The following ARVCF variants were observed in gnomAD, a reference collection of about 807,000 sequenced individuals.
ARVCF encodes splicing regulator ARVCF.
A neutral mutation model predicts 90.9 loss-of-function variants in ARVCF; 66 were observed. That is an observed-to-expected ratio of 0.73 (90% CI 0.60 to 0.89). ARVCF has a LOEUF of 0.89. Ranked by LOEUF, ARVCF falls within the 40% of genes least tolerant of loss-of-function variation. The probability of loss-of-function intolerance (pLI) is 0.00; values close to 1 mark genes in which losing one functional copy is unlikely to be tolerated. For missense variants in ARVCF, 1,469 were observed against 1,382.3 expected, an observed-to-expected ratio of 1.06 and a Z score of -1.00; for synonymous variants, 653 against 603.4, an observed-to-expected ratio of 1.08 and a Z score of -1.21.
Position 19,978,972 on chromosome 22 carries a change from C to A in ARVCF, c.1505G>T (p.Arg502Leu). Residue 502 changes from arginine to leucine, a missense_variant, in exon 7 of 20, where the codon CGT (arginine) becomes CTT (leucine). Transcript: ENST00000263207. ...EVIVPHSGWE[R>L]EPNEDSKPRD... Reference sequence around the variant, plus strand: ...TGGCTTGGAGTCCTCGTTGGGCTCACGCTCCCATCCTGAGTGGGGCACGAT... The same window carrying A: ...TGGCTTGGAGTCCTCGTTGGGCTCAAGCTCCCATCCTGAGTGGGGCACGAT... The A allele has an allele frequency of 1.2e-6, 2 of 1,613,338 alleles. No individual in the cohort carries two copies. The highest frequency in any genetic ancestry group is 1.7e-6 in the Non-Finnish European group (2 of 1,179,950).
rs113043239 is a variant in ARVCF, at chr22:19,972,673, A to G, written c.2641+64T>C. On this transcript the variant is annotated intron_variant, in intron 16 of 19. Coordinates refer to ENST00000263207, the MANE Select transcript of ARVCF (RefSeq NM_001670.3). ...CTGACTCCTCCTTCACCTTCACCCA[A>G]GGGTCAGGCAACTGGGGCAGCTGGG... is the stretch of plus-strand genomic sequence containing the variant. The G allele has an allele frequency of 2.5e-4, 367 of 1,497,842 alleles. 1 individual carries two copies. In the African/African-American group the frequency reaches 4.2e-3, roughly 17 times the overall value. 92.8% of individuals were successfully genotyped at this position (1,497,842 alleles called of 1,614,324 possible). A position where few individuals can be genotyped will look rare whatever the true frequency, so the allele number is the denominator to read the frequency against.
intron 12 of ARVCF, 117 bp from the exon 13 acceptor site, chr22:19,973,910 C>G: frequency 6.7e-7 from 1 of 1,494,484 alleles, no homozygotes; most frequent in Non-Finnish European, 8.9e-7. Context: ...AAAGCCCTAC[C>G]CCAAAAGCTC....
downstream of ARVCF, among the ~76,000 whole-genome samples, chr22:19,966,099 G>A (rs901947364): frequency 6.6e-6 from 1 of 152,234 alleles, no homozygotes; most frequent in South Asian, 2.1e-4. Flanking sequence ...AGTTTTCTCA[G>A]TGCTGCTTGC....
chr22:19,972,735 A>G lies in ARVCF; in HGVS notation c.2641+2T>C, dbSNP rs762210783. On this transcript the variant is annotated splice_donor_variant, in intron 16 of 19. Transcript: ENST00000263207. LOFTEE classifies it high-confidence loss of function. ...CTAGGCTCCCTAAGCTCCACCACTC[A>G]CCAAGGCTCTTGTCCACCAGTGGCA... The G allele has an allele frequency of 6.2e-7, 1 of 1,607,766 alleles. No homozygotes were observed. Among genetic ancestry groups the G allele is most frequent in the Non-Finnish European group, 8.5e-7 (1 of 1,176,892 alleles).
At chr22:19,969,827 C>T (rs987022208), downstream of ARVCF, 42 of 984,178 alleles carry the variant, frequency 4.3e-5, no homozygotes, top group South Asian at 9.4e-5. Flanking sequence ...CTGCCCCAGA[C>T]GCGCAGAGGC....
intron 3 of ARVCF, chr22:19,986,767 G>A (rs1310284068): frequency 8.7e-6 from 3 of 343,516 alleles, no homozygotes; most frequent in East Asian, 4.8e-5. Context: ...GCCAAGAAGC[G>A]TCCATCCGGT....
chr22:19,972,551 AC>A lies in ARVCF; in HGVS notation c.2642-141del. 13 of 1,233,640 alleles carry A rather than the reference AC, an allele frequency of 1.1e-5. No individual in the cohort carries two copies. In the South Asian group the frequency reaches 1.8e-4, roughly 17 times the overall value. 76.4% of individuals were successfully genotyped at this position (1,233,640 alleles called of 1,614,324 possible). A position where few individuals can be genotyped will look rare whatever the true frequency, so the allele number is the denominator to read the frequency against. On this transcript the variant is annotated intron_variant, in intron 16 of 19. Transcript: ENST00000263207. ...CCAACCTCTGCCAGCTGGCAGCCTC[AC>A]CCCAGCTTGACAACAGCGCGGATGC...
At chr22:20,003,337 G>A (rs1295622657) in intron 2 of ARVCF, among the ~76,000 whole-genome samples, 1 of 152,078 alleles carries the variant, frequency 6.6e-6, no homozygotes, top group African/African-American at 2.4e-5. Flanking sequence ...AAAGAGGAAG[G>A]AACACTTCCT....
At chr22:19,997,675 C>T (rs543886576) in intron 2 of ARVCF, among the ~76,000 whole-genome samples, 2 of 152,208 alleles carry the variant, frequency 1.3e-5, no homozygotes, top group African/African-American at 4.8e-5. Flanking sequence ...CCACCAAGGG[C>T]TCAAAGGCTG....
At chr22:20,012,095 A>G (rs1382470216) in intron 1 of ARVCF, among the ~76,000 whole-genome samples, 1 of 7,488 alleles carries the variant, frequency 1.3e-4, no homozygotes, top group African/African-American at 4.3e-4. Flanking sequence ...CCCCCCACCC[A>G]GTTGGGGAAG....
rs554056486 is a variant in ARVCF at position 19,970,009 on chromosome 22, G to A, written c.*747C>T. The A allele has an allele frequency of 3.0e-6, 3 of 985,606 alleles. No homozygotes were observed. The Admixed American group carries it at 1.8e-4, about 61-fold the overall frequency. The allele number at this position is 985,606 out of a possible 1,614,324, so 61.1% of individuals were successfully genotyped here. A position where few individuals can be genotyped will look rare whatever the true frequency, so the allele number is the denominator to read the frequency against. On this transcript the variant is annotated 3_prime_UTR_variant, in exon 20 of 20. Transcript: ENST00000263207. ...CTCAGTGTTTTTCTTCTGTTTCTGAGTCACGAACAGCAGGCACTGAAAGCA... is the reference window on the plus strand; with the variant it reads ...CTCAGTGTTTTTCTTCTGTTTCTGAATCACGAACAGCAGGCACTGAAAGCA...
chr22:20,005,011 A>C (rs1944570712), intron 2 of ARVCF, among the ~76,000 whole-genome samples: 1 of 152,244 alleles, frequency 6.6e-6, no homozygotes, highest in Non-Finnish European at 1.5e-5. Context: ...TACCAAAAAC[A>C]CAGGCAACAG....
At chr22:19,968,698 G>A (rs199744942), downstream of ARVCF, 131 of 1,613,454 alleles carry the variant, frequency 8.1e-5, no homozygotes, top group Admixed American at 1.6e-3. Flanking sequence ...CCTGGAGAAG[G>A]CCATCTACAA....
chr22:19,987,252 G>A (rs1211178248), intron 3 of ARVCF: 2 of 215,718 alleles, frequency 9.3e-6, no homozygotes, highest in East Asian at 8.8e-5. Flanking sequence ...ATCGGGCGGG[G>A]CCGCGCCCAG....
chr22:19,988,357 G>A (rs574465545), intron 3 of ARVCF, among the ~76,000 whole-genome samples: 3 of 152,316 alleles, frequency 2.0e-5, no homozygotes, highest in Admixed American at 1.3e-4. Flanking sequence ...CAGACACTGC[G>A]CCAAAAACGC....
In ARVCF at chr22:19,972,803, G is replaced by A. The variant is rs143458976; in HGVS notation, c.2575C>T (p.Pro859Ser). The change falls in exon 16 of 20, where the codon CCT (proline) becomes TCT (serine). Residue 859 changes from proline to serine, a missense_variant. Pro to Ser is a moderately conservative substitution (Grantham distance 74). Transcript: ENST00000263207. ...CCCCCAGGACTCAGTGCTCCCTTAG[G>A]CCCCTTGGCAGTAGCAGCAGCTGAC... is the stretch of plus-strand genomic sequence containing the variant. Reference protein sequence around the residue: ...FQSAAATAKGPKGALSPGGFD... With the variant: ...FQSAAATAKGSKGALSPGGFD... 1.7e-4 allele frequency: 277 copies of A among 1,613,566 alleles called. No individual in the cohort carries two copies. The East Asian group carries it at 5.9e-3, about 35-fold the overall frequency.
chr22:19,965,306 GAGTTCGAGACC>G (rs1394514026), downstream of ARVCF: 1 of 152,224 alleles, frequency 6.6e-6, no homozygotes, highest in Admixed American at 6.5e-5. Context: ...GAGGCCAGGA[GAGTTCGAGACC>G]AGCCTGGGCA....
intron 1 of ARVCF, among the ~76,000 whole-genome samples, 175 bp downstream of exon 1, chr22:20,016,414 A>G (rs1047355320): frequency 3.9e-4 from 59 of 151,734 alleles, no homozygotes; most frequent in Admixed American, 3.1e-3. Flanking sequence ...GGTGGGGCGG[A>G]GATTGGCTCC....
At position 19,973,711 on chromosome 22, in the gene ARVCF, T is replaced by C; in HGVS notation, c.2171A>G (p.Lys724Arg). The change falls in exon 13 of 20, where the codon AAG (lysine) becomes AGG (arginine). Residue 724 changes from lysine (K) to arginine (R), a missense_variant. By Grantham distance (26) the Lys-to-Arg change is conservative. Transcript: ENST00000263207. ...AGCGATGGCGACGGCGCGCACCACCTTGTCGGTCTCAGACTGCAGCAGTTC... is the reference window on the plus strand; with the variant it reads ...AGCGATGGCGACGGCGCGCACCACCCTGTCGGTCTCAGACTGCAGCAGTTC... ...LVELLQSETD[K>R]VVRAVAIALR... 2.5e-6 allele frequency: 4 copies of C among 1,610,062 alleles called. No homozygotes were observed. The highest frequency in any genetic ancestry group is 1.7e-6 in the Non-Finnish European group (2 of 1,179,920).
Sources: gnomAD v4.1 joint callset for allele counts (sites outside exome capture counted in the v4.1 genomes callset) on GRCh38, gnomAD v4.1.1 for gene constraint, MANE v1.5 for transcripts, NCBI Gene and HGNC (gene_info 2026-07-23, HGNC 2026-07-21) for gene names.